The following MEGF11 variants were observed in gnomAD, a reference collection of about 807,000 sequenced individuals.
MEGF11 encodes the protein multiple EGF like domains 11.
Under a neutral mutation model 146.6 loss-of-function variants are expected in MEGF11, and 126 were observed. That is an observed-to-expected ratio of 0.86 (90% CI 0.74 to 1.00). MEGF11 has a LOEUF of 1.00. MEGF11 is among the 50% of genes least tolerant of loss of function. MEGF11 has a pLI of 0.00. For missense variants in MEGF11, 1,509 were observed against 1,521.2 expected, an observed-to-expected ratio of 0.99 and a Z score of 0.13; for synonymous variants, 532 against 583.4, an observed-to-expected ratio of 0.91 and a Z score of 1.27.
chr15:65,904,431 C>G (rs1454326648), intron 24 of MEGF11, among the ~76,000 whole-genome samples: 1 of 152,154 alleles, frequency 6.6e-6, no homozygotes, highest in Non-Finnish European at 1.5e-5. Flanking sequence ...TGGGGATGAC[C>G]TTTTGTCCTC....
chr15:66,044,745 T>C (rs1375457707), intron 5 of MEGF11, among the ~76,000 whole-genome samples: 1 of 149,798 alleles, frequency 6.7e-6, no homozygotes, highest in Non-Finnish European at 1.5e-5. Context: ...CCCAGTTACC[T>C]GAGAGGCTGA....
chr15:66,044,751 G>A (rs891462541), intron 5 of MEGF11, among the ~76,000 whole-genome samples: 14 of 150,488 alleles, frequency 9.3e-5, no homozygotes, highest in Admixed American at 2.0e-4. Context: ...TACCTGAGAG[G>A]CTGAGGCGGG....
At chr15:65,997,495 T>TAA (rs1044763098) in intron 5 of MEGF11, among the ~76,000 whole-genome samples, 4 of 152,350 alleles carry the variant, frequency 2.6e-5, no homozygotes, top group African/African-American at 9.6e-5. Flanking sequence ...ACTACATCCT[T>TAA]AGAGTCTTCT....
intron 16 of MEGF11, 44 bp from the exon 17 acceptor site, chr15:65,917,000 G>T: frequency 6.9e-7 from 1 of 1,446,156 alleles, no homozygotes; most frequent in Non-Finnish European, 9.1e-7. Flanking sequence ...AAGGCAGAGA[G>T]GGGCAGACGG....
chr15:65,922,387 G>A lies in MEGF11; in HGVS notation c.1908C>T (p.Ser636=), dbSNP rs373332621. ...VHSSRPCHHI[S]GICECLPGFS... ...ATCCTGGGAGGCACTCACAGATGCC[G>A]CTGATGTGGTGGCAGGGCCTGCTGC... is the stretch of plus-strand genomic sequence containing the variant. The change falls in exon 15 of 26, where the codon AGC becomes AGT. Residue 636 remains serine, a synonymous_variant. Coordinates refer to ENST00000395614, the MANE Select transcript of MEGF11 (RefSeq NM_001385028.1). The A allele has an allele frequency of 2.6e-5, 42 of 1,601,788 alleles. No individual in the cohort carries two copies. In the African/African-American group the frequency reaches 3.2e-4, roughly 12 times the overall value.
At chr15:66,162,500 G>GCCAAGCACA (rs1242550253) in intron 1 of MEGF11, among the ~76,000 whole-genome samples, 2 of 152,138 alleles carry the variant, frequency 1.3e-5, no homozygotes, top group African/African-American at 4.8e-5. Context: ...ATGACGTTAT[G>GCCAAGCACA]CCAAGCACAA....
chr15:66,239,735 T>G lies in MEGF11; in HGVS notation c.-9+13870A>C, dbSNP rs188962566. Among the ~76,000 whole-genome samples, 141 of 152,338 alleles carry G rather than the reference T, an allele frequency of 9.3e-4. 1 individual carries two copies. Among genetic ancestry groups the G allele is most frequent in the Non-Finnish European group, 1.9e-3 (126 of 68,030 alleles). ...TCCACCCACCGGTCATGTGGAGCAC[T>G]GGATGCTGTCATGACTTCTGGGCCC... On this transcript the variant is annotated intron_variant, in intron 1 of 25. Coordinates refer to ENST00000395614, the MANE Select transcript of MEGF11 (RefSeq NM_001385028.1).
At chr15:66,163,479 G>A (rs1322515571) in intron 1 of MEGF11, among the ~76,000 whole-genome samples, 3 of 152,150 alleles carry the variant, frequency 2.0e-5, no homozygotes, top group African/African-American at 7.2e-5. Context: ...GCAGAGGGAA[G>A]GCACAGGCTG....
At chr15:66,006,181 AGAG>A (rs1360061126) in intron 5 of MEGF11, among the ~76,000 whole-genome samples, 1 of 152,224 alleles carries the variant, frequency 6.6e-6, no homozygotes, top group African/African-American at 2.4e-5. Flanking sequence ...CTGTGAAGGA[AGAG>A]GAGAGGCAGG....
At chr15:66,085,273 T>G (rs1199192315) in intron 5 of MEGF11, among the ~76,000 whole-genome samples, 1 of 152,102 alleles carries the variant, frequency 6.6e-6, no homozygotes, top group African/African-American at 2.4e-5. Context: ...GGCATATAAT[T>G]TTGGGAGTTC....
chr15:65,946,554 G>A (rs111366542), intron 10 of MEGF11, among the ~76,000 whole-genome samples: 9,441 of 152,152 alleles, frequency 0.062, 423 homozygotes, highest in Non-Finnish European at 0.092. Flanking sequence ...CACCATGCCC[G>A]GCTAATTTTT....
At chr15:66,018,857 C>T (rs2082991648) in intron 5 of MEGF11, among the ~76,000 whole-genome samples, 1 of 152,088 alleles carries the variant, frequency 6.6e-6, no homozygotes, top group Non-Finnish European at 1.5e-5. Flanking sequence ...GGCCGGGAAG[C>T]CAGAATGAGA....
At position 66,059,574 on chromosome 15, in the gene MEGF11, C is replaced by T. The variant is rs1039580076; in HGVS notation, c.394+34828G>A. On this transcript the variant is annotated intron_variant, in intron 5 of 25. Coordinates refer to ENST00000395614, the MANE Select transcript of MEGF11 (RefSeq NM_001385028.1). ...GACTCAGCAAAACTCCCAGCCCTCC[C>T]GCCCCTGCCCAGTCCCAGAGACCCC... Among the ~76,000 whole-genome samples, 5 of 152,228 alleles carry T rather than the reference C, an allele frequency of 3.3e-5. No homozygotes were observed. In the South Asian group the frequency reaches 6.2e-4, roughly 19 times the overall value.
intron 2 of MEGF11, among the ~76,000 whole-genome samples, chr15:66,125,780 C>A (rs1306433655): frequency 6.6e-6 from 1 of 152,190 alleles, no homozygotes; most frequent in Non-Finnish European, 1.5e-5. Context: ...AGAGAGGGAG[C>A]AAGACCAACA....
At chr15:66,061,638 A>G (rs1364265651) in intron 5 of MEGF11, among the ~76,000 whole-genome samples, 9 of 55,202 alleles carry the variant, frequency 1.6e-4, no homozygotes, top group Non-Finnish European at 1.3e-4. Flanking sequence ...TCTTTTTTTG[A>G]GCCTTTTTTT....
intron 3 of MEGF11, among the ~76,000 whole-genome samples, chr15:66,119,578 C>T (rs531217394): frequency 5.9e-5 from 9 of 152,200 alleles, no homozygotes; most frequent in South Asian, 2.1e-4. Context: ...TTTCTGTGCC[C>T]GCCCTGTCCC....
At chr15:65,981,228 G>C (rs1254818705) in intron 6 of MEGF11, among the ~76,000 whole-genome samples, 1 of 152,236 alleles carries the variant, frequency 6.6e-6, no homozygotes, top group Non-Finnish European at 1.5e-5. Flanking sequence ...ATTTAACCAG[G>C]AGAATGGAAG....
chr15:65,972,328 A>G (rs1218801804), intron 7 of MEGF11, among the ~76,000 whole-genome samples: 1 of 152,220 alleles, frequency 6.6e-6, no homozygotes, highest in African/African-American at 2.4e-5. Context: ...TCTTTAGCAA[A>G]AATATAAAAC....
chr15:65,976,440 A>G (rs1343766320), intron 7 of MEGF11, among the ~76,000 whole-genome samples: 5 of 152,164 alleles, frequency 3.3e-5, no homozygotes. Context: ...ATGAGGTCAT[A>G]TGGGGGGGCT....
Sources: allele counts gnomAD v4.1 joint callset (sites outside exome capture counted in the v4.1 genomes callset), GRCh38; gene constraint gnomAD v4.1.1; transcripts MANE v1.5; gene names NCBI Gene and HGNC (gene_info 2026-07-23, HGNC 2026-07-21).